AGBL1: variants seen among roughly 807,000 people sequenced by gnomAD.
The protein encoded by AGBL1 is AGBL carboxypeptidase 1, also known as cytosolic carboxypeptidase 4.
A neutral mutation model predicts 118.9 loss-of-function variants in AGBL1; 130 were observed. That is an observed-to-expected ratio of 1.09 (90% CI 0.95 to 1.26). The LOEUF is 1.26. Among genes scored for constraint, AGBL1 ranks in the 50% most tolerant of loss-of-function variants. The pLI is 0.00. For missense variants in AGBL1, 1,584 were observed against 1,298.1 expected, an observed-to-expected ratio of 1.22 and a Z score of -3.38; for synonymous variants, 555 against 478.9, an observed-to-expected ratio of 1.16 and a Z score of -2.08.
rs1457494719 is a variant in AGBL1, at chr15:86,215,215, A to ATGTGTG, written c.489-9698_489-9697insGTGTGT. ...TGGCTCTGTGTGTGTGTGTGAGTGTATATGTATGCGTGTGTGTGTGTGTGT... is the reference window on the plus strand; with the variant it reads ...TGGCTCTGTGTGTGTGTGTGAGTGTATGTGTGTATGTATGCGTGTGTGTGTGTGTGT... On this transcript the variant is annotated intron_variant, in intron 5 of 22. Coordinates refer to ENST00000614907, the MANE Select transcript of AGBL1 (RefSeq NM_001386094.1). 7.7e-4 allele frequency among the ~76,000 whole-genome samples: 95 copies of ATGTGTG among 123,068 alleles called. 1 individual carries two copies. Among genetic ancestry groups the ATGTGTG allele is most frequent in the East Asian group, 2.5e-3 (10 of 4,056 alleles). The allele number at this position is 123,068 out of a possible 152,430, so 80.7% of individuals were successfully genotyped here.
intron 17 of AGBL1, among the ~76,000 whole-genome samples, chr15:86,362,609 G>T (rs2080821613): frequency 6.6e-6 from 1 of 152,146 alleles, no homozygotes; most frequent in East Asian, 1.9e-4. Context: ...AGCAGAGCAG[G>T]ACTGAAACAG....
At chr15:86,811,949 A>C (rs903036264) in intron 22 of AGBL1, among the ~76,000 whole-genome samples, 2 of 152,188 alleles carry the variant, frequency 1.3e-5, no homozygotes, top group African/African-American at 4.8e-5. Flanking sequence ...AGTTTCTTCA[A>C]CTCTGAAAAG....
intron 19 of AGBL1, among the ~76,000 whole-genome samples, chr15:86,539,865 G>C (rs2083471342): frequency 6.6e-6 from 1 of 152,186 alleles, no homozygotes; most frequent in South Asian, 2.1e-4. Context: ...AGAGAACGCT[G>C]CTTATCTCTA....
intron 17 of AGBL1, among the ~76,000 whole-genome samples, chr15:86,305,860 C>T (rs79404719): frequency 4.1e-4 from 63 of 152,274 alleles, no homozygotes; most frequent in African/African-American, 1.5e-3. Context: ...TCCCATTAAT[C>T]TGAGACTTGA....
intron 1 of AGBL1, among the ~76,000 whole-genome samples, chr15:86,134,671 T>A (rs146688756): frequency 2.1e-4 from 30 of 141,388 alleles, no homozygotes; most frequent in African/African-American, 5.3e-4. Flanking sequence ...TGGAGTGCAG[T>A]GGCATGATCT....
chr15:86,726,774 C>G (rs1004273512), intron 22 of AGBL1, among the ~76,000 whole-genome samples: 1 of 152,100 alleles, frequency 6.6e-6, no homozygotes, highest in Non-Finnish European at 1.5e-5. Context: ...AGGCTGGTCT[C>G]AAACTCATGG....
In AGBL1 at chr15:86,208,200, T is replaced by C. The variant is rs190586547; in HGVS notation, c.489-16714T>C. Among the ~76,000 whole-genome samples, 123 of 152,316 alleles carry C rather than the reference T, an allele frequency of 8.1e-4. 1 individual carries two copies. The highest frequency in any genetic ancestry group is 2.9e-3 in the African/African-American group (121 of 41,576). ...TGATCATGGTGGATAAGCTTTTTGA[T>C]GTGCTGCTGGATTCGGTTTGCCAGT... On this transcript the variant is annotated intron_variant, in intron 5 of 22. Coordinates refer to ENST00000614907, the MANE Select transcript of AGBL1 (RefSeq NM_001386094.1).
At chr15:86,790,343 AACACACACAC>A (rs4035430) in intron 22 of AGBL1, among the ~76,000 whole-genome samples, 1 of 148,902 alleles carries the variant, frequency 6.7e-6, no homozygotes, top group Non-Finnish European at 1.5e-5. Context: ...TTGTCCTTCA[AACACACACAC>A]ACACACACAC....
At chr15:86,413,117 A>C (rs1702175116) in intron 18 of AGBL1, among the ~76,000 whole-genome samples, 1 of 152,162 alleles carries the variant, frequency 6.6e-6, no homozygotes, top group African/African-American at 2.4e-5. Context: ...GAATTCTGTA[A>C]TGTTAGAGGT....
intron 24 of AGBL1, among the ~76,000 whole-genome samples, chr15:87,013,810 GAGTT>G (rs66588186): frequency 0.64 from 97,108 of 151,356 alleles, 31,724 homozygotes; most frequent in South Asian, 0.75. Flanking sequence ...TAACAAAATG[GAGTT>G]AGTTATGCTG....
Position 86,674,280 on chromosome 15 carries a change from A to G in AGBL1, c.3002A>G (p.Gln1001Arg), listed in dbSNP as rs2085797557. The G allele has an allele frequency of 6.2e-7, 1 of 1,610,262 alleles. No homozygotes were observed. Among genetic ancestry groups the G allele is most frequent in the East Asian group, 2.2e-5 (1 of 44,672 alleles). Residue 1001 changes from glutamine to arginine, a missense_variant, in exon 22 of 23, where the codon CAG becomes CGG. Physicochemically the swap from Gln to Arg is conservative, Grantham distance 43. Coordinates refer to ENST00000614907, the MANE Select transcript of AGBL1 (RefSeq NM_001386094.1). ...GCTTTGTTTAACTGGCAGGGTCTACAGTTTGGTACCAGAGAACTGGAGGAG... is the reference window on the plus strand; with the variant it reads ...GCTTTGTTTAACTGGCAGGGTCTACGGTTTGGTACCAGAGAACTGGAGGAG... ...GCNQGPYQGL[Q>R]FGTRELEEMG...
intron 18 of AGBL1, among the ~76,000 whole-genome samples, chr15:86,477,250 A>G (rs2082573193): frequency 4.3e-5 from 4 of 93,346 alleles, no homozygotes; most frequent in Admixed American, 9.1e-5. Flanking sequence ...ACTGAAGGAG[A>G]TAGAGACACA....
rs139857561 is a variant in AGBL1, at chr15:86,638,064, A to G, written c.2995-36209A>G. ...GGAAAAAAAATCCTTTATACTTCAT[A>G]CTTCGGGACTACTTCTCATCTTCTT... On this transcript the variant is annotated intron_variant, in intron 21 of 22. Coordinates refer to ENST00000614907, the MANE Select transcript of AGBL1 (RefSeq NM_001386094.1). Among the ~76,000 whole-genome samples, 229 of 152,230 alleles carry G rather than the reference A, an allele frequency of 1.5e-3. 1 individual carries two copies. The highest frequency in any genetic ancestry group is 5.2e-3 in the African/African-American group (217 of 41,546).
At chr15:86,176,388 A>C (rs749896463) in intron 5 of AGBL1, among the ~76,000 whole-genome samples, 68 of 152,342 alleles carry the variant, frequency 4.5e-4, no homozygotes, top group Admixed American at 7.8e-4. Context: ...ATGCATGTGC[A>C]GAGTGTCTGT....
intron 5 of AGBL1, among the ~76,000 whole-genome samples, chr15:86,187,669 T>C (rs1305312592): frequency 2.0e-5 from 3 of 152,220 alleles, no homozygotes; most frequent in Admixed American, 2.0e-4. Flanking sequence ...GTTTTAATAA[T>C]GAATACTATC....
chr15:86,594,022 AAG>A (rs752845496), intron 21 of AGBL1, among the ~76,000 whole-genome samples: 68 of 152,084 alleles, frequency 4.5e-4, no homozygotes, highest in South Asian at 1.2e-3. Flanking sequence ...TCCTGGGCTT[AAG>A]TAATTTTCTT....
chr15:86,684,463 C>CTTTT (rs11436174), intron 22 of AGBL1, among the ~76,000 whole-genome samples: 3 of 145,996 alleles, frequency 2.1e-5, no homozygotes, highest in African/African-American at 5.0e-5. Context: ...ATAGTTCTCT[C>CTTTT]TTTTTTTTTT....
intron 4 of AGBL1, among the ~76,000 whole-genome samples, chr15:86,156,298 C>T (rs948302001): frequency 1.3e-5 from 2 of 152,192 alleles, no homozygotes; most frequent in Non-Finnish European, 2.9e-5. Context: ...CTCTCTTTGG[C>T]TTCCAGATGG....
chr15:86,802,086 G>A (rs1049907880), intron 22 of AGBL1, among the ~76,000 whole-genome samples: 4 of 152,072 alleles, frequency 2.6e-5, no homozygotes, highest in African/African-American at 4.8e-5. Flanking sequence ...TAAATTTGCC[G>A]AGTTCTTTTT....
Sources: gnomAD v4.1 joint callset for allele counts (sites outside exome capture counted in the v4.1 genomes callset) on GRCh38, gnomAD v4.1.1 for gene constraint, MANE v1.5 for transcripts, NCBI Gene and HGNC (gene_info 2026-07-23, HGNC 2026-07-21) for gene names.